The following CASK variants were observed in gnomAD, a reference collection of about 807,000 sequenced individuals.
The protein encoded by CASK is calcium/calmodulin dependent serine protein kinase, also known as peripheral plasma membrane protein CASK.
Under a neutral mutation model 82.9 loss-of-function variants are expected in CASK, and 4 were observed. That is an observed-to-expected ratio of 0.05 (90% CI 0.02 to 0.11). The LOEUF (loss-of-function observed/expected upper bound fraction) is 0.11, where lower values mean the gene tolerates loss of function less well. Among genes scored for constraint, CASK ranks in the 10% least tolerant of loss-of-function variants. The probability of loss-of-function intolerance (pLI) is 1.00; values close to 1 mark genes in which losing one functional copy is unlikely to be tolerated. For missense variants in CASK, 358 were observed against 720.9 expected (o/e 0.50, Z 5.76); for synonymous variants, 259 against 253.5 (o/e 1.02, Z -0.20).
At chrX:41,679,457 T>C (rs2067317075) in intron 5 of CASK, among the ~76,000 whole-genome samples, 1 of 112,354 alleles carries the variant, frequency 8.9e-6, no homozygotes, top group South Asian at 3.6e-4. Flanking sequence ...CATTTCTTTT[T>C]ACTACTGCCG....
chrX:41,592,842 A>T (rs1348925236), intron 12 of CASK, among the ~76,000 whole-genome samples: 1 of 111,695 alleles, frequency 9.0e-6, no homozygotes, highest in Admixed American at 9.5e-5. Context: ...GGTTACCCCT[A>T]CTATTCTCAC....
intron 3 of CASK, among the ~76,000 whole-genome samples, chrX:41,764,814 AC>A (rs990451655): frequency 8.9e-6 from 1 of 111,781 alleles, no homozygotes; most frequent in Non-Finnish European, 1.9e-5. Context: ...CCAAAAAAAA[AC>A]AACCTTTAAA....
At chrX:41,750,539 G>A (rs2068768760) in intron 3 of CASK, among the ~76,000 whole-genome samples, 1 of 111,886 alleles carries the variant, frequency 8.9e-6, no homozygotes, top group African/African-American at 3.2e-5. Flanking sequence ...AAGAGTATGG[G>A]GGAGGTGGAC....
chrX:41,676,278 C>T, intron 5 of CASK: 1 of 1,195,290 alleles, frequency 8.4e-7, no homozygotes, highest in African/African-American at 1.7e-5. Context: ...TGTTTTTTCT[C>T]AGCACCTTCC....
At chrX:41,841,131 C>T (rs935022192) in intron 2 of CASK, among the ~76,000 whole-genome samples, 13 of 112,146 alleles carry the variant, frequency 1.2e-4, no homozygotes, top group East Asian at 1.1e-3. Context: ...TTTTCAACAG[C>T]GGTTACATCA....
Position 41,923,033 on chromosome X carries a change from G to C in CASK, c.-45C>G, listed in dbSNP as rs772175571. 19 of 1,134,012 alleles carry C rather than the reference G, an allele frequency of 1.7e-5. No individual in the cohort carries two copies. The African/African-American group carries it at 2.5e-4, about 15-fold the overall frequency. The allele number at this position is 1,134,012 out of a possible 1,213,427, so 93.5% of individuals were successfully genotyped here. A position where few individuals can be genotyped will look rare whatever the true frequency, so the allele number is the denominator to read the frequency against. Reference sequence around the variant, plus strand: ...CCGCAGCGTGGAGGGCTTCGAAAACGGGGGTGGGGGCGCCCAAGAGCTCAG... The same window carrying C: ...CCGCAGCGTGGAGGGCTTCGAAAACCGGGGTGGGGGCGCCCAAGAGCTCAG... On this transcript the variant is annotated 5_prime_UTR_variant, in exon 1 of 27. Coordinates refer to ENST00000378163, the MANE Select transcript of CASK (RefSeq NM_001367721.1).
intron 10 of CASK, 128 bp from the exon 11 acceptor site, chrX:41,622,762 A>T: frequency 6.8e-6 from 3 of 438,778 alleles, no homozygotes; most frequent in Non-Finnish European, 1.2e-5. Flanking sequence ...CCCCAAAGTG[A>T]GCCCTCATGT....
intron 15 of CASK, among the ~76,000 whole-genome samples, chrX:41,572,461 T>G (rs910076900): frequency 4.5e-5 from 5 of 111,377 alleles, no homozygotes; most frequent in African/African-American, 1.6e-4. Context: ...TTCATTTTGT[T>G]GTTTTAGTGG....
intron 15 of CASK, among the ~76,000 whole-genome samples, chrX:41,572,268 A>AGT (rs1569313624): frequency 2.7e-5 from 3 of 110,238 alleles, no homozygotes; most frequent in African/African-American, 9.9e-5. Context: ...TTTACTTTGA[A>AGT]ACTATTCTTT....
rs772842274 is a variant in CASK, at chrX:41,631,713, C to T, written c.915+4865G>A. 8.3e-3 allele frequency among the ~76,000 whole-genome samples: 914 copies of T among 110,197 alleles called. 10 individuals are homozygous for T. Among genetic ancestry groups the T allele is most frequent in the Non-Finnish European group, 0.013 (704 of 52,630 alleles). ...CTCGAACTCCTGACCTCAGGTGATC[C>T]GCCCGCCTCAGCCTCTCAAAGTGCT... On this transcript the variant is annotated intron_variant, in intron 9 of 26. Coordinates refer to ENST00000378163, the MANE Select transcript of CASK (RefSeq NM_001367721.1).
intron 5 of CASK, among the ~76,000 whole-genome samples, chrX:41,725,194 T>C (rs1266479431): frequency 8.9e-6 from 1 of 111,941 alleles, no homozygotes; most frequent in Non-Finnish European, 1.9e-5. Flanking sequence ...ATTAAGAATC[T>C]TGTTATTTAA....
At chrX:41,580,909 T>C (rs748668674) in intron 14 of CASK, among the ~76,000 whole-genome samples, 1 of 112,584 alleles carries the variant, frequency 8.9e-6, no homozygotes, top group Non-Finnish European at 1.9e-5. Flanking sequence ...AGTAAGGATA[T>C]GTATAAGACA....
At chrX:41,798,478 G>A (rs1180407216) in intron 2 of CASK, among the ~76,000 whole-genome samples, 1 of 112,532 alleles carries the variant, frequency 8.9e-6, no homozygotes, top group African/African-American at 3.2e-5. Context: ...AATTCTAAGG[G>A]GCAGATGATG....
chrX:41,560,718 C>A (rs1373410749), intron 17 of CASK, among the ~76,000 whole-genome samples: 1 of 106,427 alleles, frequency 9.4e-6, no homozygotes, highest in Non-Finnish European at 1.9e-5. Context: ...TGGAGAAACC[C>A]CGTCTCTACT....
At chrX:41,891,710 A>G (rs2072173730) in intron 1 of CASK, among the ~76,000 whole-genome samples, 1 of 111,774 alleles carries the variant, frequency 8.9e-6, no homozygotes, top group Non-Finnish European at 1.9e-5. Context: ...GAACAAAATG[A>G]AAAATTTTAA....
intron 3 of CASK, among the ~76,000 whole-genome samples, chrX:41,776,136 G>T (rs1320050947): frequency 1.8e-5 from 2 of 112,354 alleles, no homozygotes; most frequent in Non-Finnish European, 3.8e-5. Flanking sequence ...AGTATTGTGT[G>T]CTGTATATAA....
chrX:41,914,756 T>C (rs1344248312), intron 1 of CASK, among the ~76,000 whole-genome samples: 2 of 112,182 alleles, frequency 1.8e-5, no homozygotes, highest in Non-Finnish European at 3.8e-5. Flanking sequence ...AAGGACATAA[T>C]CTTAGGAAAA....
chrX:41,707,576 TGAA>T (rs1377815711), intron 5 of CASK, among the ~76,000 whole-genome samples: 1 of 112,215 alleles, frequency 8.9e-6, no homozygotes, highest in Non-Finnish European at 1.9e-5. Context: ...AAAATATAAA[TGAA>T]GAATATGTGT....
chrX:41,619,539 A>G (rs1264921650), intron 11 of CASK, among the ~76,000 whole-genome samples: 1 of 112,195 alleles, frequency 8.9e-6, no homozygotes, highest in African/African-American at 3.2e-5. Context: ...TAGTCAAAAA[A>G]AGCATAAATA....
Sources: allele counts gnomAD v4.1 joint callset (sites outside exome capture counted in the v4.1 genomes callset), GRCh38; gene constraint gnomAD v4.1.1; transcripts MANE v1.5; gene names NCBI Gene and HGNC (gene_info 2026-07-23, HGNC 2026-07-21).